Variants in LUC7L observed in about 807,000 individuals in gnomAD.
LUC7L encodes putative RNA-binding protein Luc7-like 1.
Under a neutral mutation model 51.1 loss-of-function variants are expected in LUC7L, and 29 were observed. That is an observed-to-expected ratio of 0.57 (90% CI 0.42 to 0.77). The LOEUF (loss-of-function observed/expected upper bound fraction) is 0.77, where lower values mean the gene tolerates loss of function less well. LUC7L is among the 30% of genes least tolerant of loss of function. The pLI, the probability that LUC7L is intolerant of heterozygous loss-of-function variation, is 0.00. For missense variants in LUC7L, 403 were observed against 511.9 expected (o/e 0.79, Z 2.05); for synonymous variants, 181 against 180.7 (o/e 1.00, Z -0.01).
intron 2 of LUC7L, among the ~76,000 whole-genome samples, chr16:226,831 T>C (rs1258465854): frequency 1.3e-5 from 2 of 152,214 alleles, no homozygotes; most frequent in African/African-American, 4.8e-5. Flanking sequence ...TTTACAACAG[T>C]GAAATTTGTT....
At position 190,011 on chromosome 16, in the gene LUC7L, G is replaced by T; in HGVS notation, c.931C>A (p.Arg311=). The change falls in exon 9 of 10, where the codon CGG becomes AGG. Residue 311 remains arginine (R), a synonymous_variant. Coordinates refer to ENST00000293872, the MANE Select transcript of LUC7L (RefSeq NM_201412.3). ...RHRSRSRSHS[R]GHRRASRDRS... ...TCCCGGGAAGCCCGACGATGTCCCC[G>T]GCTGTGGCTCCGGGAACGGCTGCGG... is the stretch of plus-strand genomic sequence containing the variant. 1 of 1,614,080 alleles carries T rather than the reference G, an allele frequency of 6.2e-7. No homozygotes were observed. Among genetic ancestry groups the T allele is most frequent in the Middle Eastern group, 1.7e-4 (1 of 6,056 alleles).
At position 217,493 on chromosome 16, in the gene LUC7L, G is replaced by C. The variant is rs372371760; in HGVS notation, c.255+3156C>G. On this transcript the variant is annotated intron_variant, in intron 3 of 9. Coordinates refer to ENST00000293872, the MANE Select transcript of LUC7L (RefSeq NM_201412.3). ...AGGCTAAGGCGGGTGGATCACCTGC[G>C]GTCAGGAGTTTAAGACCAGCCTGGC... Among the ~76,000 whole-genome samples the C allele has an allele frequency of 3.3e-5, 5 of 151,896 alleles. No homozygotes were observed. In the East Asian group the frequency reaches 7.8e-4, roughly 24 times the overall value.
chr16:221,836 C>T (rs752614703), intron 2 of LUC7L, among the ~76,000 whole-genome samples: 4 of 152,164 alleles, frequency 2.6e-5, no homozygotes, highest in African/African-American at 4.8e-5. Flanking sequence ...GAGGAAAGAG[C>T]GGACAGAAGT....
At chr16:215,296 G>A (rs959789141) in intron 3 of LUC7L, among the ~76,000 whole-genome samples, 15 of 151,222 alleles carry the variant, frequency 9.9e-5, no homozygotes, top group Admixed American at 3.3e-4. Context: ...GACCATCCTC[G>A]CTAACATGGT....
chr16:215,064 C>A (rs1197433086), intron 3 of LUC7L, among the ~76,000 whole-genome samples: 1 of 152,140 alleles, frequency 6.6e-6, no homozygotes, highest in Non-Finnish European at 1.5e-5. Context: ...AAGATCCTAT[C>A]TCAATAGTTG....
intron 6 of LUC7L, among the ~76,000 whole-genome samples, chr16:196,157 C>T (rs2049142807): frequency 6.6e-6 from 1 of 152,112 alleles, no homozygotes; most frequent in Admixed American, 6.6e-5. Flanking sequence ...CCTGTAATCC[C>T]AGCACTTTGG....
At chr16:228,454 A>G in intron 1 of LUC7L, 1 of 1,255,814 alleles carries the variant, frequency 8.0e-7, no homozygotes, top group Non-Finnish European at 1.0e-6. Flanking sequence ...ATGAAATAAA[A>G]ATATGGGAAG....
In LUC7L at chr16:206,046, A is replaced by C; in HGVS notation, c.468T>G (p.Leu156=). The part of the protein sequence containing the change: ...EGNVDESQKI[L]MEVEKVRAKK... The stretch of plus-strand genomic sequence containing the variant: ...TCGCACGAACTTTTTCCACTTCCAT[A>C]AGAATCTTCTGGGATTCATCCACAT... Residue 156 remains leucine, a synonymous_variant, in exon 5 of 10, where the codon CTT becomes CTG. Transcript: ENST00000293872. 6.2e-7 allele frequency: 1 copy of C among 1,613,642 alleles called. No homozygotes were observed. The highest frequency in any genetic ancestry group is 8.5e-7 in the Non-Finnish European group (1 of 1,179,940).
intron 3 of LUC7L, among the ~76,000 whole-genome samples, chr16:215,524 G>A (rs1352857545): frequency 6.6e-6 from 1 of 151,916 alleles, no homozygotes; most frequent in Non-Finnish European, 1.5e-5. Context: ...GGAGGCTGAG[G>A]TAGGAGAGTT....
Position 208,108 on chromosome 16 carries a change from CT to C in LUC7L, c.335del (p.Gln112ArgfsTer18), listed in dbSNP as rs768941482. 6.2e-7 allele frequency: 1 copy of C among 1,613,650 alleles called. No individual in the cohort carries two copies. Among genetic ancestry groups the C allele is most frequent in the African/African-American group, 1.3e-5 (1 of 75,034 alleles). The stretch of plus-strand genomic sequence containing the variant: ...CAGAAACTTCCGCACTGATTTCCTC[CT>C]GTGTTTCTGCCAGCCGCTTCTTGGC... ...ELAKKRLAETQEEISAEVSAK... is the reference protein window; with the variant it reads ...ELAKKRLAETXEEISAEVSAK... On this transcript the variant is annotated frameshift_variant, in exon 4 of 10. Coordinates refer to ENST00000293872, the MANE Select transcript of LUC7L (RefSeq NM_201412.3). LOFTEE classifies it high-confidence loss of function.
chr16:201,832 C>T (rs1026339450), intron 5 of LUC7L, among the ~76,000 whole-genome samples: 1 of 147,848 alleles, frequency 6.8e-6, no homozygotes, highest in Non-Finnish European at 1.5e-5. Flanking sequence ...CAACCTCCGC[C>T]TTCTGGGTTC....
At chr16:191,141 C>T (rs2048999886) in intron 7 of LUC7L, among the ~76,000 whole-genome samples, 1 of 152,146 alleles carries the variant, frequency 6.6e-6, no homozygotes, top group Non-Finnish European at 1.5e-5. Context: ...TTACAAGGGC[C>T]GTGAAAAGTC....
At position 224,245 on chromosome 16, in the gene LUC7L, G is replaced by A. The variant is rs142987247; in HGVS notation, c.156+2997C>T. On this transcript the variant is annotated intron_variant, in intron 2 of 9. Transcript: ENST00000293872. ...ATTAGAAAACCTCATGAGGCCGAGC[G>A]CGGTGGCTCATGCCTATAATCCCAG... is the stretch of plus-strand genomic sequence containing the variant. Among the ~76,000 whole-genome samples the A allele has an allele frequency of 4.8e-3, 723 of 152,202 alleles. 7 individuals carry two copies. Among genetic ancestry groups the A allele is most frequent in the African/African-American group, 0.016 (660 of 41,518 alleles).
Position 208,148 on chromosome 16 carries a change from C to G in LUC7L, c.296G>C (p.Arg99Pro), listed in dbSNP as rs767489629. ...CCGCTTCTTGGCGAGCTCAGTTCTC[C>G]GATCACATTCAGCAATAAAGGACTC... is the stretch of plus-strand genomic sequence containing the variant. ...HLESFIAECD[R>P]RTELAKKRLA... The change falls in exon 4 of 10, where the codon CGG becomes CCG. Residue 99 changes from arginine to proline, a missense_variant. By Grantham distance (103) the Arg-to-Pro change is moderately radical. Transcript: ENST00000293872. 1.2e-6 allele frequency: 2 copies of G among 1,613,726 alleles called. No homozygotes were observed. The highest frequency in any genetic ancestry group is 4.5e-5 in the East Asian group (2 of 44,878).
intron 3 of LUC7L, among the ~76,000 whole-genome samples, chr16:213,339 G>C (rs887355358): frequency 2.0e-5 from 3 of 152,034 alleles, no homozygotes; most frequent in Non-Finnish European, 2.9e-5. Flanking sequence ...AATGTGCCAG[G>C]AGTTCCATCC....
At chr16:225,383 G>C (rs942068448) in intron 2 of LUC7L, among the ~76,000 whole-genome samples, 1 of 151,694 alleles carries the variant, frequency 6.6e-6, no homozygotes, top group Non-Finnish European at 1.5e-5. Context: ...CTACTCGGGA[G>C]GCTGAGGCAA....
At chr16:223,142 G>A (rs946647949) in intron 2 of LUC7L, among the ~76,000 whole-genome samples, 11 of 150,850 alleles carry the variant, frequency 7.3e-5, no homozygotes, top group Non-Finnish European at 1.5e-4. Flanking sequence ...GGCGGATCAC[G>A]AGGTCAGGAG....
In LUC7L at chr16:204,696, C is replaced by T. The variant is rs558194200; in HGVS notation, c.510+1308G>A. 2.0e-5 allele frequency among the ~76,000 whole-genome samples: 3 copies of T among 152,088 alleles called. No homozygotes were observed. The South Asian group carries it at 6.2e-4, about 31-fold the overall frequency. On this transcript the variant is annotated intron_variant, in intron 5 of 9. Coordinates refer to ENST00000293872, the MANE Select transcript of LUC7L (RefSeq NM_201412.3). ...TCTGTACGTTTACACTGCTCATTTA[C>T]AAGATGAATTGTCCGTCTGAAATGG... is the stretch of plus-strand genomic sequence containing the variant.
intron 4 of LUC7L, among the ~76,000 whole-genome samples, chr16:207,832 AC>A (rs1476275617): frequency 1.3e-5 from 2 of 152,028 alleles, no homozygotes; most frequent in Non-Finnish European, 2.9e-5. Context: ...ACACGGTGAA[AC>A]CCCGTCTCTA....
Sources: allele counts gnomAD v4.1 joint callset (sites outside exome capture counted in the v4.1 genomes callset), GRCh38; gene constraint gnomAD v4.1.1; transcripts MANE v1.5; gene names NCBI Gene and HGNC (gene_info 2026-07-23, HGNC 2026-07-21).